Variants in MUC17 observed in about 807,000 individuals in gnomAD.
MUC17 encodes mucin-17.
Under a neutral mutation model 170.3 loss-of-function variants are expected in MUC17, and 190 were observed. The ratio of observed to expected loss-of-function variants is 1.12; its 90% CI spans 0.99 to 1.26. MUC17 has a LOEUF of 1.26. Among genes scored for constraint, MUC17 ranks in the 50% most tolerant of loss-of-function variants. The pLI is 0.00. For missense variants in MUC17, 6,415 were observed against 5,530.0 expected (o/e 1.16, Z -5.08); for synonymous variants, 2,325 against 2,002.5 (o/e 1.16, Z -4.30).
In MUC17 at chr7:101,034,344, G is replaced by A. The variant is rs115078078; in HGVS notation, c.2928G>A (p.Ser976=). The part of the protein sequence containing the change: ...TTAEGTSIPT[S]TPSEGTTPLT... Reference sequence around the variant, plus strand: ...CTGAAGGTACCAGCATACCAACCTCGACTCCTAGTGAAGGAACGACTCCAT... The same window carrying A: ...CTGAAGGTACCAGCATACCAACCTCAACTCCTAGTGAAGGAACGACTCCAT... The change falls in exon 3 of 13, where the codon TCG becomes TCA. Residue 976 remains serine (S), a synonymous_variant. Transcript: ENST00000306151. The A allele has an allele frequency of 0.06, 84,931 of 1,407,632 alleles. 1 individual carries two copies. The highest frequency in any genetic ancestry group is 0.22 in the African/African-American group (13,265 of 61,302). 87.2% of individuals were successfully genotyped at this position (1,407,632 alleles called of 1,614,324 possible). A position where few individuals can be genotyped will look rare whatever the true frequency, so the allele number is the denominator to read the frequency against.
At position 101,049,794 on chromosome 7, in the gene MUC17, A is replaced by G. The variant is rs552779016; in HGVS notation, c.12722+412A>G. 2.6e-5 allele frequency among the ~76,000 whole-genome samples: 4 copies of G among 152,222 alleles called. No individual in the cohort carries two copies. The South Asian group carries it at 8.3e-4, about 32-fold the overall frequency. On this transcript the variant is annotated intron_variant, in intron 6 of 12. Coordinates refer to ENST00000306151, the MANE Select transcript of MUC17 (RefSeq NM_001040105.2). ...CTCTTTAAAGACCCTATCTCCAAAT[A>G]TAGTCACATTCTGAGGTTCTGGAGG...
In MUC17 at chr7:101,031,133, C is replaced by G. The variant is rs2116403468; in HGVS notation, c.96C>G (p.Asn32Lys). ...QAAAEQDLSV[N>K]RAVWDGGGCI... ...TGTCTCTTTCAGACCTCAGTGTGAA[C>G]AGGGCTGTGTGGGATGGAGGAGGGT... The change falls in exon 2 of 13, where the codon AAC (asparagine) becomes AAG (lysine). Residue 32 changes from asparagine (N) to lysine (K), a missense_variant. By Grantham distance (94) the Asn-to-Lys change is moderately conservative. Coordinates refer to ENST00000306151, the MANE Select transcript of MUC17 (RefSeq NM_001040105.2). 1.2e-6 allele frequency: 2 copies of G among 1,612,492 alleles called. No individual in the cohort carries two copies. The highest frequency in any genetic ancestry group is 1.7e-5 in the Admixed American group (1 of 59,822).
At position 101,033,441 on chromosome 7, in the gene MUC17, T is replaced by C; in HGVS notation, c.2025T>C (p.Gly675=). 6.2e-7 allele frequency: 1 copy of C among 1,613,380 alleles called. No homozygotes were observed. Among genetic ancestry groups the C allele is most frequent in the Non-Finnish European group, 8.5e-7 (1 of 1,179,706 alleles). Residue 675 remains glycine (G), a synonymous_variant, in exon 3 of 13, where the codon GGT becomes GGC. Coordinates refer to ENST00000306151, the MANE Select transcript of MUC17 (RefSeq NM_001040105.2). ...EATSSSTTAE[G]TSMPTSTYTE... The stretch of plus-strand genomic sequence containing the variant: ...CTTCATCTTCTACAACTGCGGAAGG[T>C]ACCAGCATGCCAACCTCAACTTATA...
Position 101,042,107 on chromosome 7 carries a change from C to T in MUC17, c.10691C>T (p.Thr3564Ile), listed in dbSNP as rs1157908883. 1.2e-6 allele frequency: 2 copies of T among 1,614,144 alleles called. No individual in the cohort carries two copies. Among genetic ancestry groups the T allele is most frequent in the South Asian group, 1.1e-5 (1 of 91,086 alleles). ...TCATCTCCAGCAACTCTTCAGGTCA[C>T]CACTATGCGTATGTCTACTCCAAGT... ...ASSSPATLQV[T>I]TMRMSTPSEG... The change falls in exon 3 of 13, where the codon ACC becomes ATC. Residue 3564 changes from threonine to isoleucine, a missense_variant. Physicochemically the swap from Thr to Ile is moderately conservative, Grantham distance 89. Transcript: ENST00000306151.
rs1562827040 is a variant in MUC17, at chr7:101,058,569, C to T, written c.*525C>T. 2 of 152,578 alleles carry T rather than the reference C, an allele frequency of 1.3e-5. No homozygotes were observed. Among genetic ancestry groups the T allele is most frequent in the African/African-American group, 4.8e-5 (2 of 41,452 alleles). The allele number at this position is 152,578 out of a possible 1,614,324, so 9.5% of individuals were successfully genotyped here. ...TCAGAGATGTTCCTCCCCTCATCTG[C>T]CCGGGTTCAGTACCATGGACAGCGC... On this transcript the variant is annotated 3_prime_UTR_variant, in exon 13 of 13. Transcript: ENST00000306151.
In MUC17 at chr7:101,039,237, T is replaced by C; in HGVS notation, c.7821T>C (p.Thr2607=). ...TTGACACCAGCATACCTGTCACCAC[T>C]TCTACTGAAACCAGTTCATCTCCTA... ...TPVDTSIPVT[T]STETSSSPTT... is the part of the protein sequence containing the mutation. The change falls in exon 3 of 13, where the codon ACT becomes ACC. Residue 2607 remains threonine, a synonymous_variant. Coordinates refer to ENST00000306151, the MANE Select transcript of MUC17 (RefSeq NM_001040105.2). 2 of 1,613,798 alleles carry C rather than the reference T, an allele frequency of 1.2e-6. No homozygotes were observed. Among genetic ancestry groups the C allele is most frequent in the Middle Eastern group, 1.7e-4 (1 of 6,050 alleles).
chr7:101,052,704 C>G (rs1467212332), intron 9 of MUC17, among the ~76,000 whole-genome samples: 2 of 152,118 alleles, frequency 1.3e-5, no homozygotes, highest in African/African-American at 4.8e-5. Flanking sequence ...CCTGGGGGTG[C>G]AGCCCAGGGA....
At position 101,058,141 on chromosome 7, in the gene MUC17, T is replaced by A. The variant is rs1475331554; in HGVS notation, c.*97T>A. On this transcript the variant is annotated 3_prime_UTR_variant, in exon 13 of 13. Coordinates refer to ENST00000306151, the MANE Select transcript of MUC17 (RefSeq NM_001040105.2). The stretch of plus-strand genomic sequence containing the variant: ...GAGAGCCTTCCATGGGAACTCAATG[T>A]TCCCATTGTAAGTACAGGAAACAAG... 1 of 1,107,070 alleles carries A rather than the reference T, an allele frequency of 9.0e-7. No homozygotes were observed. Among genetic ancestry groups the A allele is most frequent in the Non-Finnish European group, 1.4e-6 (1 of 725,166 alleles). The allele number at this position is 1,107,070 out of a possible 1,614,324, so 68.6% of individuals were successfully genotyped here. A position where few individuals can be genotyped will look rare whatever the true frequency, so the allele number is the denominator to read the frequency against.
intron 11 of MUC17, among the ~76,000 whole-genome samples, chr7:101,054,381 A>G (rs1444821673): frequency 2.0e-5 from 3 of 152,248 alleles, no homozygotes; most frequent in Non-Finnish European, 4.4e-5. Flanking sequence ...GGTTAAAGGC[A>G]CATGTTAAAA....
Position 101,032,442 on chromosome 7 carries a change from C to T in MUC17, c.1026C>T (p.Ser342=). ...GSTPLTSTPA[S]TMPVATSEMS... ...CTCCATTAACAAGTACGCCTGCCAG[C>T]ACCATGCCGGTTGCCACTTCTGAAA... The change falls in exon 3 of 13, where the codon AGC becomes AGT. Residue 342 remains serine (S), a synonymous_variant. Transcript: ENST00000306151. 2 of 1,613,770 alleles carry T rather than the reference C, an allele frequency of 1.2e-6. No individual in the cohort carries two copies. The highest frequency in any genetic ancestry group is 1.7e-6 in the Non-Finnish European group (2 of 1,179,762).
chr7:101,034,953 C>T lies in MUC17; in HGVS notation c.3537C>T (p.Thr1179=), dbSNP rs750206263. Residue 1179 remains threonine (T), a synonymous_variant, in exon 3 of 13, where the codon ACC becomes ACT. Transcript: ENST00000306151. ...TTLVVSSEAN[T]LSTTPVDSKT... is the part of the protein sequence containing the mutation. ...TGGTGGTCAGTTCTGAGGCTAACACCCTTTCAACAACTCCTGTGGACTCCA... is the reference window on the plus strand; with the variant it reads ...TGGTGGTCAGTTCTGAGGCTAACACTCTTTCAACAACTCCTGTGGACTCCA... The T allele has an allele frequency of 1.9e-6, 3 of 1,614,004 alleles. No homozygotes were observed. Among genetic ancestry groups the T allele is most frequent in the Admixed American group, 3.3e-5 (2 of 60,000 alleles).
chr7:101,051,522 AC>A, intron 7 of MUC17, 90 bp from the exon 8 acceptor site: 1 of 1,307,488 alleles, frequency 7.6e-7, no homozygotes, highest in Non-Finnish European at 1.1e-6. Context: ...ATCGCAGCCC[AC>A]CCCCTTCTCA....
chr7:101,043,363 AC>A lies in MUC17; in HGVS notation c.11948del (p.Thr3983AsnfsTer14). On this transcript the variant is annotated frameshift_variant, in exon 3 of 13. Transcript: ENST00000306151. LOFTEE classifies it high-confidence loss of function. ...ATCAACCTCCAGTAGTAGTACCACC[AC>A]ATCTTTTTCAACTACTAAGGAATTT... ...TPSTSSSSTT[T>X]SFSTTKEFTT... The A allele has an allele frequency of 6.2e-7, 1 of 1,614,166 alleles. No homozygotes were observed. Among genetic ancestry groups the A allele is most frequent in the South Asian group, 1.1e-5 (1 of 91,084 alleles).
chr7:101,035,524 A>C lies in MUC17; in HGVS notation c.4108A>C (p.Thr1370Pro). The C allele has an allele frequency of 1.3e-6, 2 of 1,596,494 alleles. No individual in the cohort carries two copies. Among genetic ancestry groups the C allele is most frequent in the Non-Finnish European group, 1.7e-6 (2 of 1,169,250 alleles). The change falls in exon 3 of 13, where the codon ACT becomes CCT. Residue 1370 changes from threonine to proline, a missense_variant. Physicochemically the swap from Thr to Pro is conservative, Grantham distance 38. Coordinates refer to ENST00000306151, the MANE Select transcript of MUC17 (RefSeq NM_001040105.2). ...TPVDNSTPVT[T>P]STEACSSPTT... Reference sequence around the variant, plus strand: ...TGTTGACAACAGCACACCTGTGACCACTTCTACTGAAGCCTGTTCATCTCC... The same window carrying C: ...TGTTGACAACAGCACACCTGTGACCCCTTCTACTGAAGCCTGTTCATCTCC...
At chr7:101,056,329 C>G in intron 12 of MUC17, 59 bp downstream of exon 12, 2 of 1,600,194 alleles carry the variant, frequency 1.2e-6, no homozygotes, top group South Asian at 2.2e-5. Flanking sequence ...TCTTCTTCTC[C>G]TTTCCTACAT....
Position 101,032,476 on chromosome 7 carries a change from C to T in MUC17, c.1060C>T (p.Leu354Phe), listed in dbSNP as rs1381901062. Residue 354 changes from leucine (L) to phenylalanine (F), a missense_variant, in exon 3 of 13, where the codon CTT becomes TTT. Transcript: ENST00000306151. The stretch of plus-strand genomic sequence containing the variant: ...GGTTGCCACTTCTGAAATGAGCACA[C>T]TTTCAATAACTCCTGTTGACACCAG... ...MPVATSEMST[L>F]SITPVDTSTL... The T allele has an allele frequency of 2.5e-6, 4 of 1,613,926 alleles. No individual in the cohort carries two copies. Among genetic ancestry groups the T allele is most frequent in the East Asian group, 4.5e-5 (2 of 44,886 alleles).
At position 101,038,004 on chromosome 7, in the gene MUC17, T is replaced by C. The variant is rs778488002; in HGVS notation, c.6588T>C (p.Thr2196=). The change falls in exon 3 of 13, where the codon ACT becomes ACC. Residue 2196 remains threonine (T), a synonymous_variant. Coordinates refer to ENST00000306151, the MANE Select transcript of MUC17 (RefSeq NM_001040105.2). ...VDTSTPVTNS[T]EARSSPTTSE... ...CCAGCACACCTGTGACCAATTCTAC[T>C]GAAGCCCGTTCATCTCCTACAACTT... is the stretch of plus-strand genomic sequence containing the variant. The C allele has an allele frequency of 5.0e-6, 8 of 1,608,086 alleles. No homozygotes were observed. The highest frequency in any genetic ancestry group is 4.0e-5 in the African/African-American group (3 of 74,552).
Position 101,042,528 on chromosome 7 carries a change from AC to A in MUC17, c.11113del (p.Arg3705ValfsTer2). The part of the protein sequence containing the change: ...PLTTMPVSTT[R>X]VTSSEGSTLS... The stretch of plus-strand genomic sequence containing the variant: ...TAACAACTATGCCTGTCAGCACCAC[AC>A]GTGTGACCAGCTCTGAGGGTAGCAC... On this transcript the variant is annotated frameshift_variant, in exon 3 of 13. Transcript: ENST00000306151. LOFTEE classifies it high-confidence loss of function. 3 of 1,613,896 alleles carry A rather than the reference AC, an allele frequency of 1.9e-6. No individual in the cohort carries two copies. The highest frequency in any genetic ancestry group is 1.3e-5 in the African/African-American group (1 of 74,956).
intron 1 of MUC17, among the ~76,000 whole-genome samples, chr7:101,029,516 G>A (rs150267382): frequency 1.3e-5 from 2 of 152,212 alleles, no homozygotes; most frequent in South Asian, 2.1e-4. Context: ...TTCATACTCA[G>A]TAATGATTCA....
Sources: gnomAD v4.1 joint callset for allele counts (sites outside exome capture counted in the v4.1 genomes callset) on GRCh38, gnomAD v4.1.1 for gene constraint, MANE v1.5 for transcripts, NCBI Gene and HGNC (gene_info 2026-07-23, HGNC 2026-07-21) for gene names.